Variants in SPHKAP observed in about 807,000 individuals in gnomAD.
SPHKAP encodes SPHK1 interactor, AKAP domain containing, also known as A-kinase anchor protein SPHKAP.
In SPHKAP, 67 loss-of-function variants were observed where a neutral mutation model predicts 137.5. That is an observed-to-expected ratio of 0.49 (90% confidence interval 0.40 to 0.60). The LOEUF (loss-of-function observed/expected upper bound fraction) is 0.60, where lower values mean the gene tolerates loss of function less well. SPHKAP is among the 20% of genes least tolerant of loss of function. The pLI, the probability that SPHKAP is intolerant of heterozygous loss-of-function variation, is 0.00. For synonymous variants in SPHKAP, 813 were observed against 785.3 expected (o/e 1.04, Z -0.59); for missense variants, 2,097 against 2,069.3 (o/e 1.01, Z -0.26).
chr2:228,119,476 C>T (rs938589927), intron 2 of SPHKAP, among the ~76,000 whole-genome samples: 2 of 144,474 alleles, frequency 1.4e-5, no homozygotes, highest in Non-Finnish European at 3.1e-5. Flanking sequence ...CACACACTCT[C>T]TCTCTCTCTC....
At chr2:228,043,822 A>G (rs1004826520) in intron 3 of SPHKAP, among the ~76,000 whole-genome samples, 1 of 152,166 alleles carries the variant, frequency 6.6e-6, no homozygotes, top group Non-Finnish European at 1.5e-5. Context: ...GCTTCCATTA[A>G]AGACTTTTTT....
Position 228,181,344 on chromosome 2 carries a change from C to T in SPHKAP, c.32+223G>A, listed in dbSNP as rs1190980819. The stretch of plus-strand genomic sequence containing the variant: ...TGACCCCCAACCCGTGCCACTCCAG[C>T]GCACAGGCCCCACTCAGCATCGCGC... On this transcript the variant is annotated intron_variant, in intron 1 of 11. Transcript: ENST00000392056. This position sits in a 1 kb window ranked among gnomAD's most constrained non-coding sequence, Gnocchi z 4.3. Among the ~76,000 whole-genome samples the T allele has an allele frequency of 6.6e-6, 1 of 152,146 alleles. No homozygotes were observed. The highest frequency in any genetic ancestry group is 1.5e-5 in the Non-Finnish European group (1 of 68,018).
chr2:228,175,181 T>TTAA (rs139297990), intron 1 of SPHKAP, among the ~76,000 whole-genome samples: 18,886 of 152,022 alleles, frequency 0.12, 1,190 homozygotes, highest in East Asian at 0.2. Context: ...TTTTTCGGAA[T>TTAA]TAATAAGCAT....
In SPHKAP at chr2:228,019,162, C is replaced by T. The variant is rs1694737811; in HGVS notation, c.1692G>A (p.Val564=). The change falls in exon 7 of 12, where the codon GTG becomes GTA. Residue 564 remains valine (V), a synonymous_variant. Transcript: ENST00000392056. ...FPSALCGMTQ[V]ASAVAVCGLG... ...GACCACAGACAGCCACGGCACTGGC[C>T]ACCTGAGTCATGCCACACAAAGCAG... is the stretch of plus-strand genomic sequence containing the variant. 6.2e-7 allele frequency: 1 copy of T among 1,613,696 alleles called. No homozygotes were observed. The highest frequency in any genetic ancestry group is 1.3e-5 in the African/African-American group (1 of 74,932).
intron 1 of SPHKAP, among the ~76,000 whole-genome samples, chr2:228,176,432 G>GATAAGT (rs1264969663): frequency 6.6e-6 from 1 of 152,208 alleles, no homozygotes; most frequent in Admixed American, 6.5e-5. Flanking sequence ...TGACATAGAA[G>GATAAGT]ATAAGTATAT....
chr2:228,035,459 A>T (rs1374631950), intron 3 of SPHKAP, among the ~76,000 whole-genome samples: 9 of 152,158 alleles, frequency 5.9e-5, no homozygotes, highest in Non-Finnish European at 8.8e-5. Flanking sequence ...ATACTGCCCA[A>T]GGTAATTTAT....
At chr2:228,050,098 A>ACAAAC (rs1696203447) in intron 3 of SPHKAP, among the ~76,000 whole-genome samples, 1 of 152,200 alleles carries the variant, frequency 6.6e-6, no homozygotes, top group Non-Finnish European at 1.5e-5. Flanking sequence ...AATGATCAAC[A>ACAAAC]TTACTAATTC....
intron 1 of SPHKAP, among the ~76,000 whole-genome samples, chr2:228,145,833 G>A (rs1699759462): frequency 6.6e-6 from 1 of 152,066 alleles, no homozygotes; most frequent in African/African-American, 2.4e-5. Context: ...ACCTAAAAAA[G>A]ACTGAGTTTC....
At chr2:228,033,444 C>T (rs1458900559) in intron 3 of SPHKAP, among the ~76,000 whole-genome samples, 1 of 151,976 alleles carries the variant, frequency 6.6e-6, no homozygotes, top group Non-Finnish European at 1.5e-5. Context: ...AGTTTAACAC[C>T]CCACTGTCAA....
chr2:228,089,632 A>G (rs1236238100), intron 3 of SPHKAP, among the ~76,000 whole-genome samples: 5 of 152,224 alleles, frequency 3.3e-5, no homozygotes, highest in Non-Finnish European at 5.9e-5. Flanking sequence ...TCACAGGCCC[A>G]GAGGCCTAGG....
chr2:228,135,274 C>CAAAA (rs11435994), intron 1 of SPHKAP, among the ~76,000 whole-genome samples: 10 of 95,352 alleles, frequency 1.0e-4, no homozygotes, highest in African/African-American at 2.5e-4. Context: ...AACTCTGTCT[C>CAAAA]AAAAAAAAAA....
intron 3 of SPHKAP, among the ~76,000 whole-genome samples, chr2:228,064,071 G>T (rs982161619): frequency 6.6e-6 from 1 of 151,996 alleles, no homozygotes; most frequent in Admixed American, 6.5e-5. Flanking sequence ...ATTTAAATTG[G>T]GAAGGAAGAA....
At chr2:228,056,468 A>C (rs1384466545) in intron 3 of SPHKAP, among the ~76,000 whole-genome samples, 1 of 151,892 alleles carries the variant, frequency 6.6e-6, no homozygotes, top group African/African-American at 2.4e-5. Context: ...CATAACCTGG[A>C]GGTACCTGCT....
intron 3 of SPHKAP, among the ~76,000 whole-genome samples, chr2:228,096,949 TATTTTAAAAA>T (rs1037027243): frequency 6.6e-6 from 1 of 152,214 alleles, no homozygotes; most frequent in African/African-American, 2.4e-5. Context: ...TAATTACTTC[TATTTTAAAAA>T]TTTACCCTGA....
intron 2 of SPHKAP, among the ~76,000 whole-genome samples, chr2:228,120,096 C>G (rs1375025017): frequency 1.3e-5 from 2 of 152,010 alleles, no homozygotes; most frequent in Admixed American, 1.3e-4. Context: ...TTTACCAGAT[C>G]AAAGGTGTGA....
At chr2:227,988,474 C>T (rs1237029036) in intron 11 of SPHKAP, among the ~76,000 whole-genome samples, 1 of 152,128 alleles carries the variant, frequency 6.6e-6, no homozygotes, top group Admixed American at 6.5e-5. Flanking sequence ...AAACAAATAC[C>T]AAGTCAGGGC....
intron 3 of SPHKAP, among the ~76,000 whole-genome samples, chr2:228,027,750 G>C (rs554483108): frequency 1.3e-5 from 2 of 151,940 alleles, no homozygotes; most frequent in Non-Finnish European, 2.9e-5. Context: ...GGCAGATCAC[G>C]AGGTCAGGAG....
In SPHKAP at chr2:228,018,462, C is replaced by T. The variant is rs1694698212; in HGVS notation, c.2392G>A (p.Gly798Ser). Residue 798 changes from glycine to serine, a missense_variant, in exon 7 of 12, where the codon GGT becomes AGT. Transcript: ENST00000392056. ...TTGAAGAGGCCTGGCCTCACTCCAC[C>T]CTTGTCTTGTTTTGAATACATGCCA... Reference protein sequence around the residue: ...VDGMYSKQDKGGVRPGLFKNP... With the variant: ...VDGMYSKQDKSGVRPGLFKNP... 1 of 1,614,048 alleles carries T rather than the reference C, an allele frequency of 6.2e-7. No homozygotes were observed. The highest frequency in any genetic ancestry group is 8.5e-7 in the Non-Finnish European group (1 of 1,179,982).
intron 3 of SPHKAP, among the ~76,000 whole-genome samples, chr2:228,093,690 TC>T (rs1697884016): frequency 6.7e-6 from 1 of 150,292 alleles, no homozygotes; most frequent in Non-Finnish European, 1.5e-5. Flanking sequence ...AAACCCAGTC[TC>T]TACTAAAAAT....
Sources: gnomAD v4.1 joint callset for allele counts (sites outside exome capture counted in the v4.1 genomes callset) on GRCh38, gnomAD v4.1.1 for gene constraint, Gnocchi (gnomAD v3.1) non-coding constraint, MANE v1.5 for transcripts, NCBI Gene and HGNC (gene_info 2026-07-23, HGNC 2026-07-21) for gene names.